YIPF1: variants seen among roughly 807,000 people sequenced by gnomAD.
YIPF1 encodes Yip1 domain family member 1.
In YIPF1, 22 loss-of-function variants were observed where a neutral mutation model predicts 37.0. The observed-to-expected ratio is 0.59, with a 90% CI of 0.42 to 0.85. YIPF1 has a LOEUF of 0.85. Among genes scored for constraint, YIPF1 ranks in the 40% least tolerant of loss-of-function variants. The pLI, the probability that YIPF1 is intolerant of heterozygous loss-of-function variation, is 0.00. For synonymous variants in YIPF1, 128 were observed against 131.9 expected (o/e 0.97, Z 0.21); for missense variants, 355 against 373.1 (o/e 0.95, Z 0.40).
intron 8 of YIPF1, 123 bp downstream of exon 8, chr1:53,866,635 A>G: frequency 1.6e-6 from 2 of 1,286,514 alleles, no homozygotes; most frequent in Non-Finnish European, 2.1e-6. Flanking sequence ...ACTTCAAAGG[A>G]GATTTTTTCA....
At chr1:53,869,995 C>A in intron 7 of YIPF1, among the ~76,000 whole-genome samples, 1 of 151,298 alleles carries the variant, frequency 6.6e-6, no homozygotes, top group African/African-American at 2.4e-5. Context: ...GCCTCAGCCT[C>A]CTGATTACAG....
chr1:53,869,867 C>T (rs910680865), intron 7 of YIPF1, among the ~76,000 whole-genome samples: 1 of 145,136 alleles, frequency 6.9e-6, no homozygotes, highest in Non-Finnish European at 1.5e-5. Flanking sequence ...ACTTCTTTCT[C>T]CCCGCTTTTT....
At chr1:53,863,796 G>C (rs1014902675) in intron 9 of YIPF1, among the ~76,000 whole-genome samples, 2 of 152,110 alleles carry the variant, frequency 1.3e-5, no homozygotes, top group African/African-American at 4.8e-5. Context: ...CTGGAGTGCA[G>C]TGGCGCAATC....
intron 4 of YIPF1, among the ~76,000 whole-genome samples, chr1:53,882,316 A>G (rs1569651463): frequency 6.6e-6 from 1 of 152,228 alleles, no homozygotes; most frequent in Non-Finnish European, 1.5e-5. Flanking sequence ...TGACCCCTGA[A>G]GTTAAAATAA....
rs548775674 is a variant in YIPF1, at chr1:53,851,911, G to A, written c.*368C>T. The stretch of plus-strand genomic sequence containing the variant: ...AGGTAGTCTGTACATAATTCAGAGA[G>A]AGGACATCAGAATTTTCCATGGTTC... On this transcript the variant is annotated 3_prime_UTR_variant, in exon 11 of 11. Coordinates refer to ENST00000072644, the MANE Select transcript of YIPF1 (RefSeq NM_018982.5). 1.3e-5 allele frequency: 2 copies of A among 152,336 alleles called. No homozygotes were observed. Among genetic ancestry groups the A allele is most frequent in the East Asian group, 3.9e-4 (2 of 5,192 alleles). 9.4% of individuals were successfully genotyped at this position (152,336 alleles called of 1,614,324 possible).
chr1:53,861,833 G>A (rs1310323610), intron 9 of YIPF1, among the ~76,000 whole-genome samples: 1 of 152,160 alleles, frequency 6.6e-6, no homozygotes, highest in African/African-American at 2.4e-5. Context: ...GGCAAACATG[G>A]TGAAACCCCA....
At chr1:53,858,435 C>T (rs1024051255) in intron 10 of YIPF1, among the ~76,000 whole-genome samples, 2 of 152,278 alleles carry the variant, frequency 1.3e-5, no homozygotes, top group Non-Finnish European at 2.9e-5. Context: ...TACTGACGCA[C>T]TCTGAGAGTG....
intron 6 of YIPF1, among the ~76,000 whole-genome samples, chr1:53,873,364 A>G (rs1172361431): frequency 6.6e-6 from 1 of 152,216 alleles, no homozygotes; most frequent in Non-Finnish European, 1.5e-5. Context: ...AGGTCCGTGA[A>G]GAGGGAATAG....
intron 7 of YIPF1, 36 bp downstream of exon 7, chr1:53,871,336 T>C (rs781171411): frequency 6.3e-7 from 1 of 1,581,652 alleles, no homozygotes; most frequent in Non-Finnish European, 8.7e-7. Context: ...AGCTAGAAAC[T>C]GACAGCATTC....
chr1:53,871,586 A>C (rs1055886406), intron 6 of YIPF1, 98 bp from the exon 7 acceptor site: 1 of 1,058,544 alleles, frequency 9.4e-7, no homozygotes, highest in African/African-American at 1.6e-5. Flanking sequence ...TCATGTTAGC[A>C]AAAGAAAATG....
chr1:53,863,567 C>T (rs937495313), intron 9 of YIPF1, among the ~76,000 whole-genome samples: 2 of 152,128 alleles, frequency 1.3e-5, no homozygotes, highest in Admixed American at 6.5e-5. Context: ...AGGTTTGCAG[C>T]GCTGAGCATC....
chr1:53,869,865 C>A lies in YIPF1; in HGVS notation c.481+1507G>T, dbSNP rs541818349. Among the ~76,000 whole-genome samples the A allele has an allele frequency of 2.2e-4, 32 of 146,102 alleles. No homozygotes were observed. In the South Asian group the frequency reaches 7.0e-3, roughly 32 times the overall value. On this transcript the variant is annotated intron_variant, in intron 7 of 10. Coordinates refer to ENST00000072644, the MANE Select transcript of YIPF1 (RefSeq NM_018982.5). Reference sequence around the variant, plus strand: ...GCTTTGATCATTTGCAGACTTCTTTCTCCCCGCTTTTTTTTTTTTTTTTTT... The same window carrying A: ...GCTTTGATCATTTGCAGACTTCTTTATCCCCGCTTTTTTTTTTTTTTTTTT...
At chr1:53,859,771 G>A (rs558995183) in intron 10 of YIPF1, among the ~76,000 whole-genome samples, 1 of 152,188 alleles carries the variant, frequency 6.6e-6, no homozygotes, top group Non-Finnish European at 1.5e-5. Context: ...TCAGGGAGAA[G>A]AGAGTCCCCT....
intron 3 of YIPF1, chr1:53,886,566 C>G (rs1650658871): frequency 6.9e-6 from 1 of 145,318 alleles, no homozygotes; most frequent in Non-Finnish European, 1.5e-5. Flanking sequence ...CCCCCCGCCA[C>G]CCCACCCCCA....
intron 7 of YIPF1, among the ~76,000 whole-genome samples, chr1:53,870,922 G>T (rs1313928433): frequency 1.3e-5 from 2 of 149,854 alleles, no homozygotes; most frequent in African/African-American, 4.9e-5. Flanking sequence ...TGAGGTGGGA[G>T]GATTACTTGA....
chr1:53,885,615 G>A (rs1650628468), intron 3 of YIPF1, among the ~76,000 whole-genome samples: 1 of 152,000 alleles, frequency 6.6e-6, no homozygotes, highest in Admixed American at 6.5e-5. Flanking sequence ...GAGGTCAGGA[G>A]TTCGAGACCA....
intron 3 of YIPF1, among the ~76,000 whole-genome samples, chr1:53,884,254 C>CA (rs1354877789): frequency 1.5e-5 from 2 of 129,838 alleles, no homozygotes; most frequent in African/African-American, 3.0e-5. Flanking sequence ...AAAAAAAACC[C>CA]AAAAAACAAA....
rs778115547 is a variant in YIPF1, at chr1:53,883,152, ATCT to A, written c.153_155del (p.Glu51del). 1.3e-6 allele frequency: 2 copies of A among 1,598,920 alleles called. No individual in the cohort carries two copies. The highest frequency in any genetic ancestry group is 1.8e-5 in the Admixed American group (1 of 56,420). The stretch of plus-strand genomic sequence containing the variant: ...AGTCATCATTTCCCAGTAACTCATC[ATCT>A]TCTTCTCTTCCTGAGCCTCTTGGGG... On this transcript the variant is annotated inframe_deletion, in exon 4 of 11. Transcript: ENST00000072644.
At chr1:53,867,517 C>T (rs552770354) in intron 7 of YIPF1, among the ~76,000 whole-genome samples, 13 of 152,042 alleles carry the variant, frequency 8.6e-5, no homozygotes, top group African/African-American at 2.7e-4. Context: ...GGACTACAGG[C>T]GCCCGCCACC....
Sources: gnomAD v4.1 joint callset for allele counts (sites outside exome capture counted in the v4.1 genomes callset) on GRCh38, gnomAD v4.1.1 for gene constraint, MANE v1.5 for transcripts, NCBI Gene and HGNC (gene_info 2026-07-23, HGNC 2026-07-21) for gene names.